TMEM131L: variants seen among roughly 807,000 people sequenced by gnomAD.
TMEM131L encodes transmembrane 131 like.
TMEM131L carries 54 observed loss-of-function variants against 192.2 expected under a neutral mutation model. That is an observed-to-expected ratio of 0.28 (90% confidence interval 0.23 to 0.35). The LOEUF is 0.35. Among genes scored for constraint, TMEM131L ranks in the 10% least tolerant of loss-of-function variants. The pLI, the probability that TMEM131L is intolerant of heterozygous loss-of-function variation, is 1.00. For missense variants in TMEM131L, 1,888 were observed against 1,972.9 expected (o/e 0.96, Z 0.82); for synonymous variants, 701 against 704.9 (o/e 0.99, Z 0.09).
intron 21 of TMEM131L, among the ~76,000 whole-genome samples, chr4:153,599,736 A>G (rs1056832907): frequency 1.3e-5 from 2 of 152,170 alleles, no homozygotes; most frequent in Non-Finnish European, 2.9e-5. Context: ...GTCCTCCAAG[A>G]CAGCCACTAG....
intron 25 of TMEM131L, among the ~76,000 whole-genome samples, chr4:153,609,571 CTTG>C (rs956199856): frequency 1.4e-4 from 21 of 152,330 alleles, no homozygotes; most frequent in Non-Finnish European, 2.2e-4. Context: ...CACTGCAGAA[CTTG>C]TTGTTAACAT....
At chr4:153,612,437 C>T in intron 26 of TMEM131L, 37 bp downstream of exon 26, 1 of 1,511,254 alleles carries the variant, frequency 6.6e-7, no homozygotes, top group Non-Finnish European at 8.9e-7. Flanking sequence ...AAAACAAAAT[C>T]CATTTTTAGG....
chr4:153,533,753 C>T (rs1736097811), intron 3 of TMEM131L, among the ~76,000 whole-genome samples: 1 of 152,162 alleles, frequency 6.6e-6, no homozygotes, highest in South Asian at 2.1e-4. Context: ...GGTTCAGTAC[C>T]TTATTTTCCT....
intron 28 of TMEM131L, 52 bp downstream of exon 28, chr4:153,621,901 C>A (rs756129050): frequency 6.4e-7 from 1 of 1,562,780 alleles, no homozygotes; most frequent in Admixed American, 1.7e-5. Flanking sequence ...ATTTTTGTTT[C>A]CTCAATGAAG....
At chr4:153,535,155 C>T (rs751251122) in intron 3 of TMEM131L, among the ~76,000 whole-genome samples, 5 of 152,204 alleles carry the variant, frequency 3.3e-5, no homozygotes, top group East Asian at 3.9e-4. Context: ...CTGGTGAAAG[C>T]GGAGCTCATG....
chr4:153,506,282 A>AT (rs1733977992), intron 3 of TMEM131L, among the ~76,000 whole-genome samples: 1 of 152,210 alleles, frequency 6.6e-6, no homozygotes, highest in South Asian at 2.1e-4. Context: ...AAAAGATCGT[A>AT]TGGTTTACGG....
chr4:153,492,561 G>A lies in TMEM131L; in HGVS notation c.239+18673G>A, dbSNP rs570592500. Among the ~76,000 whole-genome samples the A allele has an allele frequency of 3.9e-5, 6 of 152,272 alleles. No homozygotes were observed. The East Asian group carries it at 9.6e-4, about 24-fold the overall frequency. ...AAACAAATATTCTGATGTAATAAGT[G>A]ATTAGAAGAAAATATAATAGTAATA... is the stretch of plus-strand genomic sequence containing the variant. On this transcript the variant is annotated intron_variant, in intron 3 of 34. Transcript: ENST00000409959.
intron 3 of TMEM131L, among the ~76,000 whole-genome samples, chr4:153,511,803 A>G (rs1203126847): frequency 2.6e-5 from 4 of 152,244 alleles, no homozygotes; most frequent in Non-Finnish European, 5.9e-5. Context: ...GATTGGAGAA[A>G]AAGTTCCATC....
intron 3 of TMEM131L, among the ~76,000 whole-genome samples, chr4:153,544,239 T>A (rs904886306): frequency 6.6e-6 from 1 of 152,228 alleles, no homozygotes; most frequent in African/African-American, 2.4e-5. Context: ...GTCCTCGATG[T>A]AGGTGCTCAC....
intron 3 of TMEM131L, among the ~76,000 whole-genome samples, chr4:153,549,042 G>A (rs1171141505): frequency 6.6e-6 from 1 of 152,150 alleles, no homozygotes; most frequent in Non-Finnish European, 1.5e-5. Flanking sequence ...ATAGCTTACT[G>A]CAAGCTCAAA....
chr4:153,553,040 A>G lies in TMEM131L; in HGVS notation c.309-2747A>G, dbSNP rs530361734. Reference sequence around the variant, plus strand: ...TATGATACACTTTTGTTAATTAGCAATATACATTAATCTCTGGTCCTAATA... The same window carrying G: ...TATGATACACTTTTGTTAATTAGCAGTATACATTAATCTCTGGTCCTAATA... On this transcript the variant is annotated intron_variant, in intron 4 of 34. Coordinates refer to ENST00000409959, the MANE Select transcript of TMEM131L (RefSeq NM_001131007.2). Among the ~76,000 whole-genome samples the G allele has an allele frequency of 1.2e-3, 183 of 152,162 alleles. 1 individual carries two copies. Among genetic ancestry groups the G allele is most frequent in the Non-Finnish European group, 1.8e-3 (123 of 68,016 alleles).
chr4:153,611,832 T>C (rs528570227), intron 25 of TMEM131L, among the ~76,000 whole-genome samples: 1 of 152,360 alleles, frequency 6.6e-6, no homozygotes, highest in Admixed American at 6.5e-5. Context: ...AAAAACCATC[T>C]TGACCATCTT....
intron 3 of TMEM131L, among the ~76,000 whole-genome samples, chr4:153,526,916 C>T (rs1480339940): frequency 2.0e-5 from 3 of 151,954 alleles, no homozygotes; most frequent in South Asian, 2.1e-4. Context: ...GTTGAGCGGG[C>T]GTGTAGGTTT....
chr4:153,593,628 G>C (rs903832255), intron 18 of TMEM131L, among the ~76,000 whole-genome samples, 171 bp from the exon 19 acceptor site: 1 of 149,422 alleles, frequency 6.7e-6, no homozygotes, highest in Non-Finnish European at 1.5e-5. Context: ...GTGGAGCTGG[G>C]TGGGAATGTG....
intron 3 of TMEM131L, among the ~76,000 whole-genome samples, chr4:153,524,141 T>G (rs906863997): frequency 4.9e-4 from 74 of 151,514 alleles, no homozygotes; most frequent in Non-Finnish European, 4.7e-4. Flanking sequence ...GTTTTTTTTT[T>G]TTTTTTTTTT....
intron 3 of TMEM131L, among the ~76,000 whole-genome samples, chr4:153,475,234 G>A (rs114159809): frequency 0.021 from 3,258 of 152,244 alleles, 52 homozygotes; most frequent in Middle Eastern, 0.041. Context: ...TTTTCAGATC[G>A]TTCCTTTTAG....
chr4:153,591,377 A>G (rs1731056539), intron 17 of TMEM131L, among the ~76,000 whole-genome samples, 183 bp downstream of exon 17: 1 of 152,214 alleles, frequency 6.6e-6, no homozygotes, highest in South Asian at 2.1e-4. Flanking sequence ...ATAGACTTTG[A>G]ATTGAGTGTA....
At chr4:153,525,925 C>T (rs549441237) in intron 3 of TMEM131L, among the ~76,000 whole-genome samples, 4 of 152,024 alleles carry the variant, frequency 2.6e-5, no homozygotes, top group South Asian at 2.1e-4. Flanking sequence ...GGCACGATCT[C>T]GGCTCACTGC....
At chr4:153,476,690 C>CA (rs981616578) in intron 3 of TMEM131L, among the ~76,000 whole-genome samples, 7 of 150,754 alleles carry the variant, frequency 4.6e-5, no homozygotes, top group African/African-American at 9.7e-5. Flanking sequence ...GATTCCATCT[C>CA]AAAAAAAACA....
Sources: allele counts gnomAD v4.1 joint callset (sites outside exome capture counted in the v4.1 genomes callset), GRCh38; gene constraint gnomAD v4.1.1; transcripts MANE v1.5; gene names NCBI Gene and HGNC (gene_info 2026-07-23, HGNC 2026-07-21).